The following KRT82 variants were observed in gnomAD, a reference collection of about 807,000 sequenced individuals.
KRT82 encodes the protein keratin, type II cuticular Hb2.
Under a neutral mutation model 48.0 loss-of-function variants are expected in KRT82, and 44 were observed. The ratio of observed to expected loss-of-function variants is 0.92; its 90% CI spans 0.72 to 1.18. The LOEUF (loss-of-function observed/expected upper bound fraction) is 1.18. Ranked by LOEUF, KRT82 falls within the 50% of genes most tolerant of loss-of-function variation. The pLI is 0.00. For missense variants in KRT82, 701 were observed against 671.4 expected (o/e 1.04, Z -0.49); for synonymous variants, 297 against 278.3 (o/e 1.07, Z -0.67).
In KRT82 at chr12:52,395,769, G is replaced by A. The variant is rs751681051; in HGVS notation, c.1311C>T (p.Pro437=). 27 of 1,553,602 alleles carry A rather than the reference G, an allele frequency of 1.7e-5. No individual in the cohort carries two copies. The highest frequency in any genetic ancestry group is 8.3e-5 in the African/African-American group (6 of 72,326). ...GGCTCATCTACTTACAGATATTCACGGGCCCGATGCCTTCGCACAGCCTGG... is the reference window on the plus strand; with the variant it reads ...GGCTCATCTACTTACAGATATTCACAGGCCCGATGCCTTCGCACAGCCTGG... ...EEHRLCEGIG[P]VNISVSSSKG... is the part of the protein sequence containing the mutation. Residue 437 remains proline (P), a synonymous_variant, in exon 8 of 9, where the codon CCC becomes CCT. Coordinates refer to ENST00000257974, the MANE Select transcript of KRT82 (RefSeq NM_033033.4).
chr12:52,404,022 C>T, intron 1 of KRT82, 113 bp from the exon 2 acceptor site: 1 of 1,016,926 alleles, frequency 9.8e-7, no homozygotes, highest in Non-Finnish European at 1.4e-6. Flanking sequence ...TACCAGTGCA[C>T]TAGAATTTGC....
rs758532022 is a variant in KRT82, at chr12:52,395,233, G to T, written c.1322-38C>A. 2.6e-6 allele frequency: 4 copies of T among 1,566,612 alleles called. No homozygotes were observed. In the East Asian group the frequency reaches 6.8e-5, roughly 27 times the overall value. On this transcript the variant is annotated intron_variant, in intron 8 of 8. Coordinates refer to ENST00000257974, the MANE Select transcript of KRT82 (RefSeq NM_033033.4). ...GAAGGGGTGCTCAGGGCCCCACACG[G>T]TGTGGCTCTCAGTGTACTGCCCTGA...
chr12:52,396,666 C>T (rs924562355), intron 6 of KRT82, among the ~76,000 whole-genome samples: 5 of 152,202 alleles, frequency 3.3e-5, no homozygotes, highest in Admixed American at 2.6e-4. Flanking sequence ...TTGGTCACCT[C>T]GTTTCTGTTG....
chr12:52,394,802 CA>C lies in KRT82; in HGVS notation c.*172del. 1.6e-6 allele frequency: 1 copy of C among 625,820 alleles called. No homozygotes were observed. 38.8% of individuals were successfully genotyped at this position (625,820 alleles called of 1,614,324 possible). On this transcript the variant is annotated 3_prime_UTR_variant, in exon 9 of 9. Transcript: ENST00000257974. ...GGTGAGTGGAAGGTGACTCATGAGG[CA>C]AAGGAGGGGTCCTAGGGGCAGCTCA...
chr12:52,400,549 A>C lies in KRT82; in HGVS notation c.755T>G (p.Phe252Cys). Residue 252 changes from phenylalanine to cysteine, a missense_variant, in exon 4 of 9, where the codon TTC becomes TGC. Physicochemically the swap from Phe to Cys is radical, Grantham distance 205 (BLOSUM62 -2). Transcript: ENST00000257974. ...NAEALVQEID[F>C]LKSLYEEEIC... is the part of the protein sequence containing the mutation. ...TACCTCCTCATACAGGCTTTTCAGG[A>C]AGTCGATCTCCTGCACGAGTGCCTC... The C allele has an allele frequency of 6.2e-7, 1 of 1,613,946 alleles. No homozygotes were observed. Among genetic ancestry groups the C allele is most frequent in the Non-Finnish European group, 8.5e-7 (1 of 1,179,874 alleles).
rs184104307 is a variant in KRT82, at chr12:52,401,567, C to A, written c.621-218G>T. Among the ~76,000 whole-genome samples, 16 of 152,284 alleles carry A rather than the reference C, an allele frequency of 1.1e-4. No homozygotes were observed. In the South Asian group the frequency reaches 1.4e-3, roughly 14 times the overall value. On this transcript the variant is annotated intron_variant, in intron 2 of 8. Coordinates refer to ENST00000257974, the MANE Select transcript of KRT82 (RefSeq NM_033033.4). ...TACTCTTCTCCCCATTCCTCAGGAACCTTCTCCCGCGATGAGTCCTCCCTG... is the reference window on the plus strand; with the variant it reads ...TACTCTTCTCCCCATTCCTCAGGAAACTTCTCCCGCGATGAGTCCTCCCTG...
chr12:52,397,201 C>T (rs535143485), intron 5 of KRT82, among the ~76,000 whole-genome samples, 193 bp from the exon 6 acceptor site: 13 of 152,310 alleles, frequency 8.5e-5, no homozygotes, highest in African/African-American at 3.1e-4. Context: ...GTTCCTGATT[C>T]CCATCTCACC....
intron 5 of KRT82, 69 bp downstream of exon 5, chr12:52,399,916 T>G: frequency 6.6e-7 from 1 of 1,514,502 alleles, no homozygotes; most frequent in Non-Finnish European, 9.1e-7. Flanking sequence ...GGAGAAGGAG[T>G]CTGGGGGTCC....
At chr12:52,398,255 T>C (rs1939740032) in intron 5 of KRT82, among the ~76,000 whole-genome samples, 1 of 152,164 alleles carries the variant, frequency 6.6e-6, no homozygotes, top group South Asian at 2.1e-4. Context: ...TGGCTTTTTT[T>C]GCCTCTGTTC....
intron 7 of KRT82, 81 bp downstream of exon 7, chr12:52,395,931 G>C: frequency 1.9e-6 from 3 of 1,580,440 alleles, no homozygotes; most frequent in Non-Finnish European, 2.6e-6. Context: ...CGGGGTGAGA[G>C]ATACTAGCAG....
intron 2 of KRT82, among the ~76,000 whole-genome samples, chr12:52,403,427 A>G (rs1330410201): frequency 1.3e-5 from 2 of 152,200 alleles, no homozygotes; most frequent in Non-Finnish European, 2.9e-5. Context: ...CTGGAGCTCC[A>G]GAAGCCACAC....
rs913713766 is a variant in KRT82 at position 52,394,520 on chromosome 12, G to A, written c.*455C>T. On this transcript the variant is annotated 3_prime_UTR_variant, in exon 9 of 9. Transcript: ENST00000257974. ...GGTGTCTCCTTTTGATATTTGCAGT[G>A]TGCATGTTTCAGGCGGTGTTAAAGG... The A allele has an allele frequency of 8.3e-4, 147 of 177,218 alleles. No homozygotes were observed. Among genetic ancestry groups the A allele is most frequent in the African/African-American group, 3.1e-3 (132 of 42,102 alleles). The allele number at this position is 177,218 out of a possible 1,614,324, so 11.0% of individuals were successfully genotyped here.
chr12:52,398,278 G>A (rs1203606709), intron 5 of KRT82, among the ~76,000 whole-genome samples: 3 of 152,016 alleles, frequency 2.0e-5, no homozygotes, highest in Admixed American at 6.6e-5. Context: ...CTTGCTGCCA[G>A]GCGTAAGCAT....
At chr12:52,404,507 G>A (rs986873368) in intron 1 of KRT82, among the ~76,000 whole-genome samples, 8 of 152,230 alleles carry the variant, frequency 5.3e-5, no homozygotes, top group Admixed American at 2.6e-4. Flanking sequence ...CTCCCTTTTC[G>A]TAAAGTGGAA....
chr12:52,395,295 A>T, intron 8 of KRT82, 100 bp from the exon 9 acceptor site: 1 of 927,014 alleles, frequency 1.1e-6, no homozygotes, highest in Non-Finnish European at 1.6e-6. Flanking sequence ...ACCTCCTGCC[A>T]CTCACCTCTA....
intron 4 of KRT82, among the ~76,000 whole-genome samples, 183 bp downstream of exon 4, chr12:52,400,344 G>A (rs1317046832): frequency 6.6e-6 from 1 of 152,172 alleles, no homozygotes; most frequent in Non-Finnish European, 1.5e-5. Flanking sequence ...TTCCCAGAGG[G>A]GCCTGTGAGC....
At chr12:52,402,201 A>T (rs914217824) in intron 2 of KRT82, 4 of 152,270 alleles carry the variant, frequency 2.6e-5, no homozygotes, top group African/African-American at 9.6e-5. Context: ...TTAATACCTG[A>T]AGAGCACTAG....
intron 6 of KRT82, 75 bp downstream of exon 6, chr12:52,396,808 C>T (rs1386591972): frequency 5.1e-6 from 8 of 1,566,950 alleles, no homozygotes; most frequent in Non-Finnish European, 7.0e-6. Context: ...AAGGATTGAA[C>T]CCGCCCTGCA....
chr12:52,400,234 A>G (rs1465148230), intron 4 of KRT82, 85 bp from the exon 5 acceptor site: 26 of 1,356,580 alleles, frequency 1.9e-5, no homozygotes, highest in Non-Finnish European at 2.7e-5. Flanking sequence ...TGACCTTCCC[A>G]GAGCAGAGTG....
Sources: allele counts gnomAD v4.1 joint callset (sites outside exome capture counted in the v4.1 genomes callset), GRCh38; gene constraint gnomAD v4.1.1; transcripts MANE v1.5; gene names NCBI Gene and HGNC (gene_info 2026-07-23, HGNC 2026-07-21).